USP34: variants seen among roughly 807,000 people sequenced by gnomAD.
USP34 encodes ubiquitin carboxyl-terminal hydrolase 34.
A neutral mutation model predicts 460.3 loss-of-function variants in USP34; 70 were observed. The ratio of observed to expected loss-of-function variants is 0.15; its 90% confidence interval spans 0.13 to 0.19. The LOEUF is 0.19. Among genes scored for constraint, USP34 ranks in the 10% least tolerant of loss-of-function variants. USP34 has a pLI of 1.00. For missense variants in USP34, 3,985 were observed against 4,236.2 expected, an observed-to-expected ratio of 0.94 and a Z score of 1.65; for synonymous variants, 1,647 against 1,405.3, an observed-to-expected ratio of 1.17 and a Z score of -3.85.
At chr2:61,283,823 T>G (rs1689607939) in intron 35 of USP34, among the ~76,000 whole-genome samples, 1 of 152,110 alleles carries the variant, frequency 6.6e-6, no homozygotes, top group African/African-American at 2.4e-5. Flanking sequence ...GCTCCATTAT[T>G]TATTTGTTTT....
intron 1 of USP34, among the ~76,000 whole-genome samples, chr2:61,459,875 C>G (rs570133416): frequency 5.3e-5 from 8 of 151,948 alleles, no homozygotes; most frequent in African/African-American, 1.9e-4. Context: ...TCCTGATTAA[C>G]ACGGTAAAAC....
chr2:61,344,068 A>G, intron 15 of USP34, 39 bp from the exon 16 acceptor site: 1 of 1,586,890 alleles, frequency 6.3e-7, no homozygotes, highest in Admixed American at 1.7e-5. Context: ...GTAATTACGA[A>G]TGTGAATCTA....
intron 1 of USP34, among the ~76,000 whole-genome samples, chr2:61,423,425 T>C (rs1412781162): frequency 1.3e-5 from 2 of 151,838 alleles, no homozygotes; most frequent in Middle Eastern, 3.2e-3. Context: ...CAATGAACAA[T>C]TTAAAAAGGA....
At chr2:61,220,227 TGTC>T in intron 67 of USP34, 80 bp downstream of exon 67, 1 of 1,173,154 alleles carries the variant, frequency 8.5e-7, no homozygotes, top group Non-Finnish European at 1.1e-6. Context: ...ACAATGGGCA[TGTC>T]GTAGTTGCCT....
intron 6 of USP34, 117 bp downstream of exon 6, chr2:61,383,152 G>C (rs1693025407): frequency 1.7e-6 from 1 of 598,682 alleles, no homozygotes. Flanking sequence ...ACTGTTACTT[G>C]AAATTTTCTC....
chr2:61,206,442 A>C (rs377148625), intron 71 of USP34, among the ~76,000 whole-genome samples: 25 of 152,080 alleles, frequency 1.6e-4, no homozygotes, highest in East Asian at 1.2e-3. Context: ...CAAATGATCT[A>C]ATCTAAGCCA....
intron 57 of USP34, among the ~76,000 whole-genome samples, chr2:61,235,102 C>A (rs1363826845): frequency 6.6e-6 from 1 of 152,114 alleles, no homozygotes; most frequent in Non-Finnish European, 1.5e-5. Context: ...CCTCACAACT[C>A]GCACATACAC....
At chr2:61,262,323 A>T (rs185924174) in intron 43 of USP34, among the ~76,000 whole-genome samples, 1 of 151,874 alleles carries the variant, frequency 6.6e-6, no homozygotes, top group Non-Finnish European at 1.5e-5. Flanking sequence ...TAGTTTTTCA[A>T]TCCTGTTCCT....
chr2:61,347,106 C>G (rs1184621309), intron 15 of USP34, among the ~76,000 whole-genome samples: 1 of 151,962 alleles, frequency 6.6e-6, no homozygotes, highest in African/African-American at 2.4e-5. Flanking sequence ...TGCCACTGCA[C>G]TCCGGCCTGG....
At chr2:61,403,084 T>C (rs529442037) in intron 3 of USP34, among the ~76,000 whole-genome samples, 1 of 152,158 alleles carries the variant, frequency 6.6e-6, no homozygotes, top group African/African-American at 2.4e-5. Context: ...TAATAGAATT[T>C]GGTATAAGGA....
At chr2:61,281,870 C>T (rs910937069) in intron 37 of USP34, among the ~76,000 whole-genome samples, 3 of 152,130 alleles carry the variant, frequency 2.0e-5, no homozygotes, top group African/African-American at 7.2e-5. Flanking sequence ...CTAGAAGCAA[C>T]ACAGAAGCAA....
intron 1 of USP34, among the ~76,000 whole-genome samples, chr2:61,446,369 A>T (rs1174028136): frequency 6.6e-6 from 1 of 152,164 alleles, no homozygotes; most frequent in Non-Finnish European, 1.5e-5. Context: ...TAAAGTTGAA[A>T]GTAGGAATAT....
At chr2:61,256,981 A>G in intron 46 of USP34, 31 bp from the exon 47 acceptor site, 1 of 1,435,186 alleles carries the variant, frequency 7.0e-7, no homozygotes, top group Non-Finnish European at 9.2e-7. Context: ...ATTAATAAAA[A>G]CTAGTAAATT....
chr2:61,395,602 C>CAT (rs1693493956), intron 3 of USP34, among the ~76,000 whole-genome samples: 53 of 144,052 alleles, frequency 3.7e-4, no homozygotes, highest in African/African-American at 1.3e-3. Context: ...ATCGAGACCA[C>CAT]GGTGAAACCC....
At chr2:61,195,123 G>A (rs1003558628) in intron 75 of USP34, among the ~76,000 whole-genome samples, 5 of 152,062 alleles carry the variant, frequency 3.3e-5, no homozygotes, top group African/African-American at 1.2e-4. Flanking sequence ...AGGAGGCTGA[G>A]GCAGGAGAAC....
chr2:61,440,850 G>A (rs913454972), intron 1 of USP34, among the ~76,000 whole-genome samples: 9 of 151,642 alleles, frequency 5.9e-5, no homozygotes, highest in South Asian at 2.1e-4. Flanking sequence ...AAAAAATTTC[G>A]GGTGCAGTGG....
At chr2:61,269,047 T>C (rs567630318) in intron 41 of USP34, among the ~76,000 whole-genome samples, 1 of 152,150 alleles carries the variant, frequency 6.6e-6, no homozygotes, top group Non-Finnish European at 1.5e-5. Context: ...AGAAGTATGA[T>C]AGGCAAATAA....
chr2:61,347,780 C>A lies in USP34; in HGVS notation c.2285+90G>T, dbSNP rs896675966. On this transcript the variant is annotated intron_variant, in intron 15 of 79. Coordinates refer to ENST00000398571, the MANE Select transcript of USP34 (RefSeq NM_014709.4). ...TGCACTATACTACTAATGAATAGCA[C>A]TAATACAGAATAAATTGCAAATTGA... The A allele has an allele frequency of 1.6e-5, 24 of 1,538,694 alleles. No individual in the cohort carries two copies. The South Asian group carries it at 2.5e-4, about 16-fold the overall frequency.
chr2:61,243,592 G>A (rs532172888), intron 51 of USP34, among the ~76,000 whole-genome samples: 98 of 145,330 alleles, frequency 6.7e-4, no homozygotes, highest in Admixed American at 3.5e-3. Context: ...GGAAACATTC[G>A]GCTGAGTACG....
Sources: gnomAD v4.1 joint callset for allele counts (sites outside exome capture counted in the v4.1 genomes callset) on GRCh38, gnomAD v4.1.1 for gene constraint, MANE v1.5 for transcripts, NCBI Gene and HGNC (gene_info 2026-07-23, HGNC 2026-07-21) for gene names.